The following AVL9 variants were observed in gnomAD, a reference collection of about 807,000 sequenced individuals.
AVL9 encodes the protein late secretory pathway protein AVL9 homolog.
In AVL9, 49 loss-of-function variants were observed where a neutral mutation model predicts 79.2. That is an observed-to-expected ratio of 0.62 (90% CI 0.49 to 0.79). The LOEUF (loss-of-function observed/expected upper bound fraction) is 0.79, where lower values mean the gene tolerates loss of function less well. Among genes scored for constraint, AVL9 ranks in the 30% least tolerant of loss-of-function variants. The pLI is 0.00. For missense variants in AVL9, 682 were observed against 776.8 expected (o/e 0.88, Z 1.45); for synonymous variants, 299 against 280.6 (o/e 1.07, Z -0.65).
In AVL9 at chr7:32,559,375, G is replaced by A; in HGVS notation, c.1126G>A (p.Ala376Thr). ...TCTTCCAATTACTGTACAACCTCAA[G>A]CTAATACGGGACAGGTAGTCCTGAT... ...ESLPITVQPQ[A>T]NTGQVVLIPG... The change falls in exon 10 of 16, where the codon GCT becomes ACT. Residue 376 changes from alanine to threonine, a missense_variant. Physicochemically the swap from Ala to Thr is moderately conservative, Grantham distance 58. Coordinates refer to ENST00000318709, the MANE Select transcript of AVL9 (RefSeq NM_015060.3). 6.2e-7 allele frequency: 1 copy of A among 1,613,934 alleles called. No homozygotes were observed. The highest frequency in any genetic ancestry group is 8.5e-7 in the Non-Finnish European group (1 of 1,180,006).
At chr7:32,534,776 C>G (rs1788820889) in intron 1 of AVL9, 1 of 152,094 alleles carries the variant, frequency 6.6e-6, no homozygotes, top group African/African-American at 2.4e-5. Flanking sequence ...AAAACCTCAT[C>G]TCTACTGAAA....
rs1235919758 is a variant in AVL9, at chr7:32,559,117, G to A, written c.868G>A (p.Ala290Thr). ...VMAGNHGEDAAMKTEEPLFQV... is the reference protein window; with the variant it reads ...VMAGNHGEDATMKTEEPLFQV... ...GGCAGGAAACCATGGAGAAGATGCT[G>A]CCATGAAGACTGAGGAGCCTTTGTT... Residue 290 changes from alanine to threonine, a missense_variant, in exon 10 of 16, where the codon GCC becomes ACC. Transcript: ENST00000318709. The A allele has an allele frequency of 3.1e-6, 5 of 1,613,896 alleles. No homozygotes were observed. Among genetic ancestry groups the A allele is most frequent in the Non-Finnish European group, 4.2e-6 (5 of 1,179,954 alleles).
At position 32,554,538 on chromosome 7, in the gene AVL9, A is replaced by T. The variant is rs367877979; in HGVS notation, c.571-20A>T. On this transcript the variant is annotated intron_variant, in intron 7 of 15. Transcript: ENST00000318709. ...CGTGAGTCTCTCATTTCAATACAAC[A>T]TTTTTTTTTCCTTTTGCAGGTCTTA... is the stretch of plus-strand genomic sequence containing the variant. The T allele has an allele frequency of 9.1e-5, 135 of 1,478,154 alleles. No homozygotes were observed. The African/African-American group carries it at 1.7e-3, about 19-fold the overall frequency. 91.6% of individuals were successfully genotyped at this position (1,478,154 alleles called of 1,614,324 possible).
At chr7:32,519,054 A>G (rs1788027688) in intron 1 of AVL9, among the ~76,000 whole-genome samples, 1 of 152,244 alleles carries the variant, frequency 6.6e-6, no homozygotes, top group Non-Finnish European at 1.5e-5. Flanking sequence ...CATGTCTGTT[A>G]TATCTATGAT....
At chr7:32,524,501 C>T (rs537079560) in intron 1 of AVL9, among the ~76,000 whole-genome samples, 7 of 150,130 alleles carry the variant, frequency 4.7e-5, no homozygotes, top group South Asian at 2.1e-4. Flanking sequence ...GGCGGCTGAG[C>T]GAGACTCCAT....
At position 32,580,842 on chromosome 7, in the gene AVL9, G is replaced by T. The variant is rs754333751; in HGVS notation, c.1783G>T (p.Val595Phe). ...TGAACGTGGCAAAAAAATTGGAAAC[G>T]TCATGGTCACAACTAGCCGGAATGT... is the stretch of plus-strand genomic sequence containing the variant. ...NSERGKKIGNVMVTTSRNVVQ... is the reference protein window; with the variant it reads ...NSERGKKIGNFMVTTSRNVVQ... Residue 595 changes from valine (V) to phenylalanine (F), a missense_variant, in exon 15 of 16, where the codon GTC becomes TTC. Physicochemically the swap from Val to Phe is conservative, Grantham distance 50 (BLOSUM62 -1). Coordinates refer to ENST00000318709, the MANE Select transcript of AVL9 (RefSeq NM_015060.3). 6.2e-7 allele frequency: 1 copy of T among 1,613,704 alleles called. No homozygotes were observed. Among genetic ancestry groups the T allele is most frequent in the Non-Finnish European group, 8.5e-7 (1 of 1,179,918 alleles).
intron 10 of AVL9, among the ~76,000 whole-genome samples, chr7:32,564,021 G>T (rs1790447081): frequency 6.6e-6 from 1 of 152,072 alleles, no homozygotes; most frequent in South Asian, 2.1e-4. Context: ...ATACCTTTCG[G>T]AGCCCTGACT....
intron 9 of AVL9, 110 bp from the exon 10 acceptor site, chr7:32,558,819 G>A: frequency 9.0e-7 from 1 of 1,116,816 alleles, no homozygotes; most frequent in Non-Finnish European, 1.3e-6. Flanking sequence ...TAATTAAAAT[G>A]TGTACAAGCA....
Position 32,544,986 on chromosome 7 carries a change from A to G in AVL9, c.300+207A>G, listed in dbSNP as rs1193788093. 3.3e-5 allele frequency among the ~76,000 whole-genome samples: 5 copies of G among 152,320 alleles called. 1 individual carries two copies. The highest frequency in any genetic ancestry group is 1.9e-4 in the East Asian group (1 of 5,194). On this transcript the variant is annotated intron_variant, in intron 3 of 15. Transcript: ENST00000318709. ...TGGCTATGCTTATATTTGTATCACA[A>G]TATTTTGTACATTGCTTTTAGATAG...
At chr7:32,580,167 T>G in intron 13 of AVL9, 52 bp from the exon 14 acceptor site, 1 of 1,402,962 alleles carries the variant, frequency 7.1e-7, no homozygotes, top group East Asian at 2.3e-5. Flanking sequence ...TAACTCTTTT[T>G]GCAGCCTTTT....
At chr7:32,557,458 T>G (rs181148742) in intron 8 of AVL9, among the ~76,000 whole-genome samples, 3 of 152,328 alleles carry the variant, frequency 2.0e-5, no homozygotes, top group Admixed American at 2.0e-4. Flanking sequence ...TTTTGTTTGT[T>G]CTTTTCTTTC....
At chr7:32,563,336 C>G (rs1001602569) in intron 10 of AVL9, among the ~76,000 whole-genome samples, 19 of 151,900 alleles carry the variant, frequency 1.3e-4, no homozygotes, top group African/African-American at 4.6e-4. Context: ...CCAGCCTCTC[C>G]CGTATACTTT....
chr7:32,513,986 C>A (rs1365122661), intron 1 of AVL9, among the ~76,000 whole-genome samples: 1 of 152,202 alleles, frequency 6.6e-6, no homozygotes, highest in Non-Finnish European at 1.5e-5. Flanking sequence ...AGTAACAGAG[C>A]AGTATTGCCA....
intron 1 of AVL9, chr7:32,536,057 A>T (rs1290491603): frequency 1.3e-5 from 2 of 152,132 alleles, no homozygotes; most frequent in African/African-American, 4.8e-5. Flanking sequence ...AGTTAATTAA[A>T]CCTTTCCTTT....
chr7:32,502,241 T>TG (rs2128111417), intron 1 of AVL9, among the ~76,000 whole-genome samples: 1 of 151,830 alleles, frequency 6.6e-6, no homozygotes, highest in South Asian at 2.1e-4. Flanking sequence ...GGTGCATGCC[T>TG]GTAGTCCCAG....
chr7:32,508,312 G>C (rs1253459399), intron 1 of AVL9, among the ~76,000 whole-genome samples: 2 of 152,090 alleles, frequency 1.3e-5, no homozygotes, highest in Middle Eastern at 3.2e-3. Flanking sequence ...ATATTTTTCT[G>C]TATTACCTTC....
chr7:32,551,235 TA>T (rs1434456296), intron 4 of AVL9, 98 bp from the exon 5 acceptor site: 2 of 768,014 alleles, frequency 2.6e-6, no homozygotes, highest in Non-Finnish European at 4.4e-6. Flanking sequence ...TTCTCCAAAT[TA>T]AAAAGTTGTG....
chr7:32,535,455 A>T (rs1788857877), intron 1 of AVL9: 1 of 152,184 alleles, frequency 6.6e-6, no homozygotes, highest in Admixed American at 6.5e-5. Context: ...TAACCCTTAA[A>T]AGGAAAGTAA....
chr7:32,558,728 C>T lies in AVL9; in HGVS notation c.679+100C>T. On this transcript the variant is annotated intron_variant, in intron 9 of 15. Coordinates refer to ENST00000318709, the MANE Select transcript of AVL9 (RefSeq NM_015060.3). ...CAAAGATAAATTCGTTAGGGTTATC[C>T]TTTCTATTTTAATATGACGTCTTCC... 2.7e-6 allele frequency: 3 copies of T among 1,127,212 alleles called. No homozygotes were observed. In the South Asian group the frequency reaches 4.5e-5, roughly 17 times the overall value. 69.8% of individuals were successfully genotyped at this position (1,127,212 alleles called of 1,614,324 possible). A position where few individuals can be genotyped will look rare whatever the true frequency, so the allele number is the denominator to read the frequency against.
Sources: allele counts gnomAD v4.1 joint callset (sites outside exome capture counted in the v4.1 genomes callset), GRCh38; gene constraint gnomAD v4.1.1; transcripts MANE v1.5; gene names NCBI Gene and HGNC (gene_info 2026-07-23, HGNC 2026-07-21).